DNAAF19: variants seen among roughly 807,000 people sequenced by gnomAD.
The protein encoded by DNAAF19 is dynein axonemal assembly factor 19.
At chr17:44,900,218 C>A in the DNAAF19 span, among the ~76,000 whole-genome samples, 1 of 151,800 alleles carries the variant, frequency 6.6e-6, no homozygotes, top group Non-Finnish European at 1.5e-5. Flanking sequence ...ATTGCTTGAA[C>A]CCCGGAGGCA....
the DNAAF19 span, chr17:44,901,088 T>G: frequency 6.2e-7 from 1 of 1,604,808 alleles, no homozygotes; most frequent in Admixed American, 1.8e-5. Flanking sequence ...AACGGGAGAA[T>G]GCTGCCAAGT....
At chr17:44,903,551 G>A in the DNAAF19 span, 22 of 1,356,562 alleles carry the variant, frequency 1.6e-5, no homozygotes, top group South Asian at 2.1e-5. Context: ...TTGGGTGAGC[G>A]CCAGTGTTCT....
chr17:44,904,835 C>T, the DNAAF19 span: 1 of 1,550,706 alleles, frequency 6.4e-7, no homozygotes, highest in Non-Finnish European at 8.7e-7. Flanking sequence ...CCGCTTCACC[C>T]AGCTGGATGA....
chr17:44,901,081 G>A, the DNAAF19 span: 13 of 1,604,480 alleles, frequency 8.1e-6, no homozygotes, highest in South Asian at 2.2e-5. Flanking sequence ...AAGTACAAAC[G>A]GGAGAATGCT....
chr17:44,900,853 T>G, the DNAAF19 span: 2 of 775,874 alleles, frequency 2.6e-6, no homozygotes, highest in Non-Finnish European at 3.9e-6. Context: ...ACCAGATTTT[T>G]GTAACACCTC....
At chr17:44,900,003 T>C in the DNAAF19 span, 2 of 152,030 alleles carry the variant, frequency 1.3e-5, no homozygotes, top group Non-Finnish European at 2.9e-5. Flanking sequence ...ACTTCCTGCT[T>C]CCTTGCGCTA....
chr17:44,902,594 G>A, the DNAAF19 span: 1 of 1,614,198 alleles, frequency 6.2e-7, no homozygotes, highest in South Asian at 1.1e-5. Context: ...ATCCTATGCA[G>A]CCTGGCGAGC....
At chr17:44,901,662 G>A in the DNAAF19 span, 3 of 1,613,442 alleles carry the variant, frequency 1.9e-6, no homozygotes, top group Admixed American at 5.0e-5. Flanking sequence ...GGTAGGTGAG[G>A]CCCTGCCCCT....
the DNAAF19 span, chr17:44,904,566 C>CAA: frequency 6.4e-7 from 1 of 1,550,590 alleles, no homozygotes. Context: ...TGTGAGAAGA[C>CAA]AAAGACCATC....
the DNAAF19 span, chr17:44,904,605 A>G: frequency 1.3e-6 from 2 of 1,550,328 alleles, no homozygotes; most frequent in Admixed American, 3.9e-5. Flanking sequence ...ATCATTAACT[A>G]TGTGTCCAAA....
the DNAAF19 span, chr17:44,904,023 G>A: frequency 6.4e-7 from 1 of 1,550,534 alleles, no homozygotes; most frequent in African/African-American, 1.4e-5. Context: ...GCTGTAGTCT[G>A]GTTCTACCAA....
the DNAAF19 span, among the ~76,000 whole-genome samples, chr17:44,902,067 G>A: frequency 3.3e-5 from 5 of 152,120 alleles, no homozygotes; most frequent in South Asian, 4.1e-4. Context: ...CCATCCACCC[G>A]ACTTACAGTA....
At chr17:44,904,211 C>T in the DNAAF19 span, 98 of 1,550,424 alleles carry the variant, frequency 6.3e-5, 1 homozygote, top group South Asian at 3.7e-4. Flanking sequence ...CTGCGGCACC[C>T]GCAAGGGGGA....
the DNAAF19 span, chr17:44,903,661 T>C: frequency 1.2e-5 from 17 of 1,433,904 alleles, no homozygotes; most frequent in Non-Finnish European, 1.5e-5. Context: ...CCACTGGGAA[T>C]AAATTGCCTT....
At chr17:44,902,898 T>C in the DNAAF19 span, 1 of 1,438,934 alleles carries the variant, frequency 6.9e-7, no homozygotes, top group Non-Finnish European at 9.1e-7. Context: ...TGCAGGACCA[T>C]AATAAGAAAC....
the DNAAF19 span, chr17:44,900,965 A>T: frequency 6.4e-7 from 1 of 1,573,560 alleles, no homozygotes; most frequent in Non-Finnish European, 8.6e-7. Flanking sequence ...CTGTCCACTG[A>T]CATGTATTCC....
chr17:44,904,355 A>G, the DNAAF19 span: 1 of 1,542,298 alleles, frequency 6.5e-7, no homozygotes, highest in South Asian at 1.2e-5. Flanking sequence ...CTGGGAATGG[A>G]CCCCCTGTGA....
At chr17:44,902,277 A>C in the DNAAF19 span, 1 of 1,538,492 alleles carries the variant, frequency 6.5e-7, no homozygotes, top group Non-Finnish European at 9.0e-7. Flanking sequence ...GAAGACAGTA[A>C]GATGAAGAGC....
the DNAAF19 span, among the ~76,000 whole-genome samples, chr17:44,902,029 T>C: frequency 6.6e-6 from 1 of 152,194 alleles, no homozygotes; most frequent in Non-Finnish European, 1.5e-5. Context: ...TTGAGTTCCT[T>C]TCTCTCTTCC....
Sources: gnomAD v4.1 joint callset for allele counts (sites outside exome capture counted in the v4.1 genomes callset) on GRCh38, gnomAD v4.1.1 for gene constraint, MANE v1.5 for transcripts, NCBI Gene and HGNC (gene_info 2026-07-23, HGNC 2026-07-21) for gene names.